The following FHIT variants were observed in gnomAD, a reference collection of about 807,000 sequenced individuals.
The protein encoded by FHIT is bis(5'-adenosyl)-triphosphatase.
Under a neutral mutation model 17.9 loss-of-function variants are expected in FHIT, and 19 were observed. That is an observed-to-expected ratio of 1.06 (90% confidence interval 0.74 to 1.56). The LOEUF is 1.56. Ranked by LOEUF, FHIT falls within the 40% of genes most tolerant of loss-of-function variation. The pLI, the probability that FHIT is intolerant of heterozygous loss-of-function variation, is 0.00. For synonymous variants in FHIT, 81 were observed against 69.7 expected (o/e 1.16, Z -0.81); for missense variants, 248 against 189.2 (o/e 1.31, Z -1.82).
intron 7 of FHIT, among the ~76,000 whole-genome samples, chr3:59,952,687 A>C (rs545277085): frequency 4.6e-5 from 7 of 152,342 alleles, no homozygotes; most frequent in Non-Finnish European, 1.0e-4. Context: ...AAGATCCCTT[A>C]AACTGACCAA....
At chr3:60,311,407 A>G (rs968838466) in intron 5 of FHIT, among the ~76,000 whole-genome samples, 3 of 152,136 alleles carry the variant, frequency 2.0e-5, no homozygotes. Flanking sequence ...GGAGACACAC[A>G]CATATCTCTT....
chr3:60,776,609 G>T (rs1700223883), intron 4 of FHIT, among the ~76,000 whole-genome samples: 1 of 152,138 alleles, frequency 6.6e-6, no homozygotes, highest in Non-Finnish European at 1.5e-5. Flanking sequence ...AAGGCCTGGG[G>T]ACACACGGAA....
chr3:60,496,604 G>A (rs2034309947), intron 5 of FHIT, among the ~76,000 whole-genome samples: 1 of 152,116 alleles, frequency 6.6e-6, no homozygotes, highest in Admixed American at 6.5e-5. Flanking sequence ...GGAGAAATGT[G>A]TACCTTACAA....
intron 4 of FHIT, among the ~76,000 whole-genome samples, chr3:60,568,116 C>A (rs2037208352): frequency 6.6e-6 from 1 of 152,086 alleles, no homozygotes; most frequent in African/African-American, 2.4e-5. Flanking sequence ...AGTATATACC[C>A]AAAGGATTAT....
intron 5 of FHIT, among the ~76,000 whole-genome samples, chr3:60,484,974 CA>C (rs1193952555): frequency 6.6e-6 from 1 of 151,974 alleles, no homozygotes; most frequent in East Asian, 1.9e-4. Flanking sequence ...AAAACAACCC[CA>C]TCAAAAAGTG....
intron 2 of FHIT, among the ~76,000 whole-genome samples, chr3:61,145,737 G>A (rs541784639): frequency 7.3e-6 from 1 of 137,450 alleles, no homozygotes; most frequent in Admixed American, 8.0e-5. Flanking sequence ...CTTCTGTTAA[G>A]TTTATTCTTA....
At chr3:59,758,793 A>T (rs1259582240) in intron 8 of FHIT, among the ~76,000 whole-genome samples, 2 of 152,164 alleles carry the variant, frequency 1.3e-5, no homozygotes, top group East Asian at 3.9e-4. Context: ...TGGTGTGAAA[A>T]TATGGCATTA....
intron 5 of FHIT, among the ~76,000 whole-genome samples, chr3:60,148,812 A>C (rs4679639): frequency 0.38 from 57,755 of 152,094 alleles, 11,599 homozygotes; most frequent in East Asian, 0.62. Context: ...ATTCATTCTT[A>C]GGCATTAACT....
At chr3:60,850,125 G>A (rs151198007) in intron 3 of FHIT, among the ~76,000 whole-genome samples, 333 of 152,034 alleles carry the variant, frequency 2.2e-3, no homozygotes, top group Non-Finnish European at 3.9e-3. Context: ...TTGCTTGAGG[G>A]GGCATTTAGG....
chr3:60,486,309 T>C (rs2033837816), intron 5 of FHIT, among the ~76,000 whole-genome samples: 1 of 152,198 alleles, frequency 6.6e-6, no homozygotes, highest in African/African-American at 2.4e-5. Context: ...TCAAGCCATA[T>C]GTCAGATGTA....
rs533014362 is a variant in FHIT at position 60,098,985 on chromosome 3, G to A, written c.104-84833C>T. Among the ~76,000 whole-genome samples the A allele has an allele frequency of 5.3e-5, 8 of 152,146 alleles. No individual in the cohort carries two copies. The East Asian group carries it at 1.4e-3, about 26-fold the overall frequency. On this transcript the variant is annotated intron_variant, in intron 5 of 9. Coordinates refer to ENST00000492590, the MANE Select transcript of FHIT (RefSeq NM_002012.4). ...TTACACTTGTCCTAACTTCTAATATGGAAAGGATAGGCCAATGATATAGTA... is the reference window on the plus strand; with the variant it reads ...TTACACTTGTCCTAACTTCTAATATAGAAAGGATAGGCCAATGATATAGTA...
intron 3 of FHIT, among the ~76,000 whole-genome samples, chr3:61,019,463 A>C (rs533549419): frequency 3.9e-5 from 6 of 152,356 alleles, no homozygotes; most frequent in Non-Finnish European, 7.3e-5. Flanking sequence ...AAATAAGCCC[A>C]ATCATTAAGT....
chr3:60,147,534 G>T (rs1700292906), intron 5 of FHIT, among the ~76,000 whole-genome samples: 1 of 152,146 alleles, frequency 6.6e-6, no homozygotes, highest in African/African-American at 2.4e-5. Flanking sequence ...CGACAGGTAG[G>T]GATGCAGCAG....
intron 4 of FHIT, among the ~76,000 whole-genome samples, chr3:60,582,033 G>C (rs1468440379): frequency 6.6e-6 from 1 of 152,010 alleles, no homozygotes; most frequent in African/African-American, 2.4e-5. Flanking sequence ...AAAAACAAAA[G>C]TGTGCTTCAA....
chr3:60,293,236 CAG>C (rs932123285), intron 5 of FHIT, among the ~76,000 whole-genome samples: 1 of 152,018 alleles, frequency 6.6e-6, no homozygotes, highest in African/African-American at 2.4e-5. Flanking sequence ...ATGATGAAAA[CAG>C]AAATTTTGAC....
chr3:60,613,599 A>C (rs782606139), intron 4 of FHIT, among the ~76,000 whole-genome samples: 2 of 151,624 alleles, frequency 1.3e-5, no homozygotes, highest in African/African-American at 2.4e-5. Context: ...TATATGCTCC[A>C]TTTTCAACTC....
At chr3:60,197,320 C>T (rs1702693967) in intron 5 of FHIT, among the ~76,000 whole-genome samples, 2 of 151,964 alleles carry the variant, frequency 1.3e-5, no homozygotes, top group South Asian at 2.1e-4. Flanking sequence ...AAAGAAATCT[C>T]ATTTAAAATT....
chr3:60,957,613 T>C (rs1319289238), intron 3 of FHIT, among the ~76,000 whole-genome samples: 3 of 152,350 alleles, frequency 2.0e-5, no homozygotes, highest in South Asian at 2.1e-4. Flanking sequence ...CATATTCTTT[T>C]TTCAGTTAAC....
chr3:60,340,245 C>T (rs551774992), intron 5 of FHIT, among the ~76,000 whole-genome samples: 3 of 152,162 alleles, frequency 2.0e-5, no homozygotes, highest in African/African-American at 4.8e-5. Context: ...GAACAGACAT[C>T]TGCAAATGAA....
Sources: gnomAD v4.1 joint callset for allele counts (sites outside exome capture counted in the v4.1 genomes callset) on GRCh38, gnomAD v4.1.1 for gene constraint, MANE v1.5 for transcripts, NCBI Gene and HGNC (gene_info 2026-07-23, HGNC 2026-07-21) for gene names.